Variants in TNFAIP3 observed in about 807,000 individuals in gnomAD.
TNFAIP3 encodes TNF alpha induced protein 3.
A neutral mutation model predicts 72.4 loss-of-function variants in TNFAIP3; 9 were observed. The observed-to-expected ratio is 0.12, with a 90% CI of 0.07 to 0.22. The LOEUF is 0.22. Ranked by LOEUF, TNFAIP3 falls within the 10% of genes least tolerant of loss-of-function variation. The pLI, the probability that TNFAIP3 is intolerant of heterozygous loss-of-function variation, is 1.00. For synonymous variants in TNFAIP3, 339 were observed against 372.6 expected (o/e 0.91, Z 1.04); for missense variants, 833 against 1,018.7 (o/e 0.82, Z 2.48).
At position 137,878,884 on chromosome 6, in the gene TNFAIP3, G is replaced by A; in HGVS notation, c.1439G>A (p.Ser480Asn). ...GAGACCACTGCCATGAAGTGCAGGA[G>A]CCCCGGCTGCCCCTTCACACTGAAT... The part of the protein sequence containing the change: ...FSETTAMKCR[S>N]PGCPFTLNVQ... The change falls in exon 7 of 9, where the codon AGC becomes AAC. Residue 480 changes from serine to asparagine, a missense_variant. Transcript: ENST00000612899. 6.2e-7 allele frequency: 1 copy of A among 1,614,148 alleles called. No individual in the cohort carries two copies. The highest frequency in any genetic ancestry group is 8.5e-7 in the Non-Finnish European group (1 of 1,180,026).
rs746814438 is a variant in TNFAIP3 at position 137,875,739 on chromosome 6, C to T, written c.538C>T (p.Pro180Ser). The T allele has an allele frequency of 6.2e-7, 1 of 1,614,138 alleles. No individual in the cohort carries two copies. Among genetic ancestry groups the T allele is most frequent in the East Asian group, 2.2e-5 (1 of 44,878 alleles). ...NLIKMASTDT[P>S]MARSGLQYNS... Reference sequence around the variant, plus strand: ...TATCAAAATGGCTTCCACAGACACACCCATGGCCCGAAGTGGACTTCAGTA... The same window carrying T: ...TATCAAAATGGCTTCCACAGACACATCCATGGCCCGAAGTGGACTTCAGTA... The change falls in exon 4 of 9, where the codon CCC (proline) becomes TCC (serine). Residue 180 changes from proline (P) to serine (S), a missense_variant. Pro to Ser is a moderately conservative substitution (Grantham distance 74). This residue lies in a region of TNFAIP3 where 246 missense variants were observed against 360.9 expected (regional missense o/e 0.68). Coordinates refer to ENST00000612899, the MANE Select transcript of TNFAIP3 (RefSeq NM_001270508.2).
intron 7 of TNFAIP3, 41 bp from the exon 8 acceptor site, chr6:137,880,027 GGGT>G: frequency 6.3e-7 from 1 of 1,578,030 alleles, no homozygotes; most frequent in Non-Finnish European, 8.7e-7. Context: ...TGTATCGGTG[GGGT>G]GACCCCTATG....
chr6:137,875,155 C>G (rs1014231397), intron 3 of TNFAIP3, 120 bp downstream of exon 3: 1 of 1,170,660 alleles, frequency 8.5e-7, no homozygotes, highest in African/African-American at 1.6e-5. Flanking sequence ...TTTGGCTAAG[C>G]GAAGCATACT....
rs1033357359 is a variant in TNFAIP3, at chr6:137,882,145, A to T, written c.*826A>T. 7 of 231,402 alleles carry T rather than the reference A, an allele frequency of 3.0e-5. No individual in the cohort carries two copies. The highest frequency in any genetic ancestry group is 1.2e-4 in the East Asian group (2 of 16,444). 14.3% of individuals were successfully genotyped at this position (231,402 alleles called of 1,614,324 possible). A position where few individuals can be genotyped will look rare whatever the true frequency, so the allele number is the denominator to read the frequency against. ...TACATTATGTATGAGGGATTTTTTT[A>T]AATTATATTGAAATGCTGCCCTAGA... On this transcript the variant is annotated 3_prime_UTR_variant, in exon 9 of 9. Transcript: ENST00000612899.
rs748244107 is a variant in TNFAIP3, at chr6:137,874,825, C to G, written c.296-20C>G. ...CAGATAACTTGACTTTCCTTCTCTT[C>G]TCCTCCTTTCTGTCCTCAGGTGACG... On this transcript the variant is annotated intron_variant, in intron 2 of 8. Transcript: ENST00000612899. 8.1e-6 allele frequency: 2 copies of G among 246,802 alleles called. No homozygotes were observed. Among genetic ancestry groups the G allele is most frequent in the African/African-American group, 3.9e-5 (2 of 51,164 alleles). The allele number at this position is 246,802 out of a possible 1,614,324, so 15.3% of individuals were successfully genotyped here.
chr6:137,870,119 T>C (rs1776007953), intron 1 of TNFAIP3, among the ~76,000 whole-genome samples: 2 of 152,188 alleles, frequency 1.3e-5, no homozygotes, highest in African/African-American at 4.8e-5. Flanking sequence ...CTTCTACTAG[T>C]TGATTATGCT....
chr6:137,882,975 CTT>C lies in TNFAIP3; in HGVS notation c.*1658_*1659del. ...TTTGTGATCCATAACTCTACACAGC[CTT>C]TACTCATACTATTAGGCACACTTTC... is the stretch of plus-strand genomic sequence containing the variant. On this transcript the variant is annotated 3_prime_UTR_variant, in exon 9 of 9. Coordinates refer to ENST00000612899, the MANE Select transcript of TNFAIP3 (RefSeq NM_001270508.2). 1 of 224,210 alleles carries C rather than the reference CTT, an allele frequency of 4.5e-6. No homozygotes were observed. The highest frequency in any genetic ancestry group is 8.9e-6 in the Non-Finnish European group (1 of 112,544). 13.9% of individuals were successfully genotyped at this position (224,210 alleles called of 1,614,324 possible).
Position 137,881,186 on chromosome 6 carries a change from C to T in TNFAIP3, c.2240C>T (p.Ala747Val), listed in dbSNP as rs1323621461. 1 of 1,613,554 alleles carries T rather than the reference C, an allele frequency of 6.2e-7. No homozygotes were observed. The highest frequency in any genetic ancestry group is 8.5e-7 in the Non-Finnish European group (1 of 1,179,934). The change falls in exon 9 of 9, where the codon GCC (alanine) becomes GTC (valine). Residue 747 changes from alanine to valine, a missense_variant. Around this residue, in one of 2 missense-constraint regions of TNFAIP3, gnomAD observed 587 missense variants for 657.8 expected, o/e 0.89. Coordinates refer to ENST00000612899, the MANE Select transcript of TNFAIP3 (RefSeq NM_001270508.2). This position sits in a 1 kb window ranked among gnomAD's most constrained non-coding sequence, Gnocchi z 5.0. Reference protein sequence around the residue: ...QHPNQRMGPGAHRGEPAPEDP... With the variant: ...QHPNQRMGPGVHRGEPAPEDP... ...CCCAACCAGAGGATGGGCCCTGGGG[C>T]CCACCGGGGTGAGCCTGCCCCCGAA...
chr6:137,874,496 C>T (rs5029938), intron 2 of TNFAIP3, among the ~76,000 whole-genome samples: 8,242 of 152,240 alleles, frequency 0.054, 283 homozygotes, highest in African/African-American at 0.086. Flanking sequence ...CTTTAGAGAT[C>T]ATCACTTACT....
At position 137,880,883 on chromosome 6, in the gene TNFAIP3, A is replaced by G. The variant is rs1377202734; in HGVS notation, c.2089-152A>G. ...AAACATCCTTCGAGAGCTCTGGCTC[A>G]TAGACTGCAATGCTCTCCTGTTCCC... On this transcript the variant is annotated intron_variant, in intron 8 of 8. Coordinates refer to ENST00000612899, the MANE Select transcript of TNFAIP3 (RefSeq NM_001270508.2). 34 of 758,954 alleles carry G rather than the reference A, an allele frequency of 4.5e-5. No homozygotes were observed. In the East Asian group the frequency reaches 7.7e-4, roughly 17 times the overall value. The allele number at this position is 758,954 out of a possible 1,614,324, so 47.0% of individuals were successfully genotyped here.
At chr6:137,872,330 G>A (rs1776089762) in intron 2 of TNFAIP3, among the ~76,000 whole-genome samples, 1 of 152,178 alleles carries the variant, frequency 6.6e-6, no homozygotes, top group Admixed American at 6.5e-5. Context: ...CTCTATGGAT[G>A]TGCATAATTA....
intron 6 of TNFAIP3, among the ~76,000 whole-genome samples, chr6:137,878,029 C>T (rs899872079): frequency 1.3e-5 from 2 of 152,160 alleles, no homozygotes; most frequent in African/African-American, 4.8e-5. Context: ...GTAGTTTGTA[C>T]TATAAAGTAG....
intron 1 of TNFAIP3, among the ~76,000 whole-genome samples, chr6:137,869,352 TGGATGGATGGATGGATGGATGGATGGAC>T (rs1775965276): frequency 7.3e-6 from 1 of 137,328 alleles, no homozygotes; most frequent in Non-Finnish European, 1.6e-5. Context: ...GATGGATGGA[TGGATGGATGGATGGATGGATGGATGGAC>T]GGACGGACGG....
Position 137,871,487 on chromosome 6 carries a change from G to C in TNFAIP3, c.260G>C (p.Arg87Pro). 1.2e-6 allele frequency: 2 copies of C among 1,614,134 alleles called. No homozygotes were observed. The highest frequency in any genetic ancestry group is 1.7e-6 in the Non-Finnish European group (2 of 1,180,018). The change falls in exon 2 of 9, where the codon CGA (arginine) becomes CCA (proline). Residue 87 changes from arginine to proline, a missense_variant. By Grantham distance (103) the Arg-to-Pro change is moderately radical. This residue lies in a region of TNFAIP3 where 246 missense variants were observed against 360.9 expected (regional missense o/e 0.68). Coordinates refer to ENST00000612899, the MANE Select transcript of TNFAIP3 (RefSeq NM_001270508.2). This position sits in a 1 kb window ranked among gnomAD's most constrained non-coding sequence, Gnocchi z 4.2. ...LESQKKLNWC[R>P]EVRKLVALKT... ...AGCCAGAAGAAACTCAACTGGTGTC[G>C]AGAAGTCCGGAAGCTTGTGGCGCTG...
At position 137,867,891 on chromosome 6, in the gene TNFAIP3, A is replaced by G. The variant is rs2114434639; in HGVS notation, c.-16+349A>G. The G allele has an allele frequency of 6.6e-6, 1 of 152,518 alleles. No individual in the cohort carries two copies. Among genetic ancestry groups the G allele is most frequent in the Admixed American group, 6.5e-5 (1 of 15,308 alleles). The allele number at this position is 152,518 out of a possible 1,614,324, so 9.4% of individuals were successfully genotyped here. ...TCCTTTCGTGTCTTTTTTGGAGCCAAGCGTTGCATGCTCATGGCCACGTAG... is the reference window on the plus strand; with the variant it reads ...TCCTTTCGTGTCTTTTTTGGAGCCAGGCGTTGCATGCTCATGGCCACGTAG... On this transcript the variant is annotated intron_variant, in intron 1 of 8. Coordinates refer to ENST00000612899, the MANE Select transcript of TNFAIP3 (RefSeq NM_001270508.2). The surrounding 1 kb of genome is among the most constrained non-coding windows in gnomAD (Gnocchi z 6.0).
chr6:137,866,977 C>G (rs1213909103), upstream of TNFAIP3: 1 of 151,866 alleles, frequency 6.6e-6, no homozygotes, highest in Admixed American at 6.6e-5. Context: ...GCCCAGGTGA[C>G]TCACGCGGGG....
chr6:137,877,943 T>C (rs1350442403), intron 6 of TNFAIP3, among the ~76,000 whole-genome samples: 1 of 152,240 alleles, frequency 6.6e-6, no homozygotes. Context: ...TAGTTACTCA[T>C]GGCTGCTAAT....
At chr6:137,879,479 C>A (rs775267486) in intron 7 of TNFAIP3, 128 bp downstream of exon 7, 2 of 1,148,596 alleles carry the variant, frequency 1.7e-6, no homozygotes, top group Non-Finnish European at 2.4e-6. Flanking sequence ...TGCTTTTCTA[C>A]CAGCTTGTGC....
intron 3 of TNFAIP3, 44 bp from the exon 4 acceptor site, chr6:137,875,644 G>A (rs199833786): frequency 3.1e-6 from 5 of 1,609,786 alleles, no homozygotes; most frequent in Non-Finnish European, 4.2e-6. Flanking sequence ...AGTACAGGGA[G>A]TACAGGATAC....
Sources: gnomAD v4.1 joint callset for allele counts (sites outside exome capture counted in the v4.1 genomes callset) on GRCh38, gnomAD v4.1.1 for gene constraint, gnomAD v4.1.1 regional missense constraint, Gnocchi (gnomAD v3.1) non-coding constraint, MANE v1.5 for transcripts, NCBI Gene and HGNC (gene_info 2026-07-23, HGNC 2026-07-21) for gene names.